The following NBEAL1 variants were observed in gnomAD, a reference collection of about 807,000 sequenced individuals.
NBEAL1 encodes the protein neurobeachin like 1, also known as neurobeachin-like protein 1.
NBEAL1 carries 273 observed loss-of-function variants against 351.3 expected under a neutral mutation model. The ratio of observed to expected loss-of-function variants is 0.78; its 90% CI spans 0.70 to 0.86. NBEAL1 has a LOEUF of 0.86. Ranked by LOEUF, NBEAL1 falls within the 40% of genes least tolerant of loss-of-function variation. NBEAL1 has a pLI of 0.00. For synonymous variants in NBEAL1, 1,050 were observed against 1,086.4 expected (o/e 0.97, Z 0.66); for missense variants, 2,961 against 3,201.3 (o/e 0.92, Z 1.81).
chr2:203,112,895 C>T (rs2062604305), intron 16 of NBEAL1, 120 bp from the exon 17 acceptor site: 1 of 1,020,036 alleles, frequency 9.8e-7, no homozygotes, highest in South Asian at 2.7e-5. Context: ...AAACTGCTTC[C>T]ACTTTTATTT....
At chr2:203,119,782 T>C (rs1213782794) in intron 18 of NBEAL1, among the ~76,000 whole-genome samples, 1 of 152,172 alleles carries the variant, frequency 6.6e-6, no homozygotes, top group Non-Finnish European at 1.5e-5. Flanking sequence ...AAAATTCTGC[T>C]ATAAAGGAAC....
chr2:203,103,669 GT>G (rs2062375372), intron 12 of NBEAL1, among the ~76,000 whole-genome samples: 1 of 152,032 alleles, frequency 6.6e-6, no homozygotes, highest in Non-Finnish European at 1.5e-5. Context: ...GTTTTCTCTT[GT>G]TTCTCCAGTT....
At chr2:203,147,852 T>C (rs1452418765) in intron 33 of NBEAL1, among the ~76,000 whole-genome samples, 1 of 152,052 alleles carries the variant, frequency 6.6e-6, no homozygotes, top group East Asian at 1.9e-4. Context: ...GTAGTCCTTA[T>C]GATAAATACT....
intron 36 of NBEAL1, among the ~76,000 whole-genome samples, chr2:203,163,868 T>C (rs188954470): frequency 6.6e-6 from 1 of 152,276 alleles, no homozygotes; most frequent in Non-Finnish European, 1.5e-5. Flanking sequence ...GCAATTCCCT[T>C]ATGTATAGTT....
rs904853181 is a variant in NBEAL1 at position 203,109,480 on chromosome 2, T to A, written c.1950-670T>A. On this transcript the variant is annotated intron_variant, in intron 14 of 55. Coordinates refer to ENST00000683969, the MANE Select transcript of NBEAL1 (RefSeq NM_001378026.1). The stretch of plus-strand genomic sequence containing the variant: ...AAGGAACAGAAGACCTATGTGTCTG[T>A]ACATCCAGACTTAAGTAGCTACTAC... 1.6e-4 allele frequency among the ~76,000 whole-genome samples: 25 copies of A among 152,244 alleles called. 2 individuals carry two copies. Among genetic ancestry groups the A allele is most frequent in the Admixed American group, 9.2e-4 (14 of 15,284 alleles).
intron 15 of NBEAL1, among the ~76,000 whole-genome samples, chr2:203,110,674 A>AAAATAAATAAAT (rs67437997): frequency 0.071 from 9,221 of 130,778 alleles, 422 homozygotes; most frequent in East Asian, 0.12. Context: ...ATCCTGTCTC[A>AAAATAAATAAAT]AAATAAATAA....
At chr2:203,157,888 AT>A in intron 36 of NBEAL1, 63 bp downstream of exon 36, 1 of 1,318,776 alleles carries the variant, frequency 7.6e-7, no homozygotes, top group East Asian at 2.6e-5. Flanking sequence ...CGTGGAAAAG[AT>A]TTGCTTGAAA....
At position 203,218,861 on chromosome 2, in the gene NBEAL1, A is replaced by G. The variant is rs1415137276; in HGVS notation, c.*1507A>G. On this transcript the variant is annotated 3_prime_UTR_variant, in exon 56 of 56. Coordinates refer to ENST00000683969, the MANE Select transcript of NBEAL1 (RefSeq NM_001378026.1). ...AAGCTATAGAAGAATTTTCTTTCCA[A>G]TAAGTAAAAATCCTCTGTTTTATTA... 1 of 152,170 alleles carries G rather than the reference A, an allele frequency of 6.6e-6. No homozygotes were observed. The highest frequency in any genetic ancestry group is 1.5e-5 in the Non-Finnish European group (1 of 68,028). The allele number at this position is 152,170 out of a possible 1,614,324, so 9.4% of individuals were successfully genotyped here.
At chr2:203,097,863 G>A (rs1251027894) in intron 11 of NBEAL1, among the ~76,000 whole-genome samples, 5 of 152,094 alleles carry the variant, frequency 3.3e-5, no homozygotes, top group African/African-American at 1.2e-4. Flanking sequence ...CCCTCTACGT[G>A]TGTATGGTCT....
intron 43 of NBEAL1, 100 bp downstream of exon 43, chr2:203,180,612 A>G: frequency 9.2e-7 from 1 of 1,090,412 alleles, no homozygotes; most frequent in Non-Finnish European, 1.3e-6. Context: ...AGATTATTTA[A>G]GATTCATTCT....
rs183252765 is a variant in NBEAL1, at chr2:203,112,159, A to G, written c.2202+61A>G. ...TGGTTGAGAATTCTTGAAATGTTTT[A>G]GTTAAGGTAGAAGGTTATGTTTATT... On this transcript the variant is annotated intron_variant, in intron 16 of 55. Coordinates refer to ENST00000683969, the MANE Select transcript of NBEAL1 (RefSeq NM_001378026.1). 2.7e-4 allele frequency: 410 copies of G among 1,496,672 alleles called. 3 individuals are homozygous for G. The East Asian group carries it at 9.8e-3, about 36-fold the overall frequency. 92.7% of individuals were successfully genotyped at this position (1,496,672 alleles called of 1,614,324 possible). A position where few individuals can be genotyped will look rare whatever the true frequency, so the allele number is the denominator to read the frequency against.
At chr2:203,136,547 T>C in intron 28 of NBEAL1, 52 bp from the exon 29 acceptor site, 1 of 1,330,902 alleles carries the variant, frequency 7.5e-7, no homozygotes, top group Admixed American at 2.0e-5. Context: ...TATGATGTGC[T>C]TTGAACAACT....
At chr2:203,089,945 TTTTCC>T (rs1186070011) in intron 10 of NBEAL1, among the ~76,000 whole-genome samples, 1 of 152,218 alleles carries the variant, frequency 6.6e-6, no homozygotes, top group East Asian at 1.9e-4. Context: ...GTTAGAAATA[TTTTCC>T]TTTGCCACTT....
At chr2:203,117,350 C>A (rs1384100203) in intron 18 of NBEAL1, among the ~76,000 whole-genome samples, 1 of 152,014 alleles carries the variant, frequency 6.6e-6, no homozygotes, top group Non-Finnish European at 1.5e-5. Context: ...GTAGTCCCAG[C>A]TACTCTGGAG....
At chr2:203,077,944 C>T in intron 8 of NBEAL1, 107 bp downstream of exon 8, 1 of 538,414 alleles carries the variant, frequency 1.9e-6, no homozygotes, top group Middle Eastern at 5.4e-4. Flanking sequence ...ATTCACCATA[C>T]AAATATTGAA....
chr2:203,080,451 C>A (rs564273964), intron 8 of NBEAL1, among the ~76,000 whole-genome samples: 1 of 152,026 alleles, frequency 6.6e-6, no homozygotes, highest in African/African-American at 2.4e-5. Flanking sequence ...AATGCAATTC[C>A]CCTTTCCTCC....
At chr2:203,167,511 A>G (rs1040661804) in intron 38 of NBEAL1, 151 bp downstream of exon 38, 11 of 788,944 alleles carry the variant, frequency 1.4e-5, no homozygotes, top group African/African-American at 1.1e-4. Context: ...CAGTGTATGA[A>G]TTTTTGTTGA....
At chr2:203,186,711 G>A (rs968962680) in intron 44 of NBEAL1, among the ~76,000 whole-genome samples, 1 of 152,118 alleles carries the variant, frequency 6.6e-6, no homozygotes, top group Non-Finnish European at 1.5e-5. Flanking sequence ...AAGGCCAAAG[G>A]TCTCTCTTCT....
intron 51 of NBEAL1, among the ~76,000 whole-genome samples, chr2:203,206,673 G>T (rs555343864): frequency 2.6e-5 from 4 of 152,050 alleles, no homozygotes; most frequent in African/African-American, 9.6e-5. Context: ...CGCCAGCCTC[G>T]GCCTCCCGAG....
Sources: allele counts gnomAD v4.1 joint callset (sites outside exome capture counted in the v4.1 genomes callset), GRCh38; gene constraint gnomAD v4.1.1; transcripts MANE v1.5; gene names NCBI Gene and HGNC (gene_info 2026-07-23, HGNC 2026-07-21).